The following ZBTB20 variants were observed in gnomAD, a reference collection of about 807,000 sequenced individuals.
ZBTB20 encodes zinc finger and BTB domain-containing protein 20.
ZBTB20 carries 9 observed loss-of-function variants against 56.9 expected under a neutral mutation model. The observed-to-expected ratio is 0.16, with a 90% CI of 0.10 to 0.28. The LOEUF is 0.28. Among genes scored for constraint, ZBTB20 ranks in the 10% least tolerant of loss-of-function variants. The pLI is 1.00. For missense variants in ZBTB20, 655 were observed against 1,003.0 expected (o/e 0.65, Z 4.69); for synonymous variants, 417 against 420.7 (o/e 0.99, Z 0.11).
At chr3:114,487,312 C>T (rs2042250357) in intron 7 of ZBTB20, among the ~76,000 whole-genome samples, 1 of 152,152 alleles carries the variant, frequency 6.6e-6, no homozygotes, top group Non-Finnish European at 1.5e-5. Context: ...TATGTGCACA[C>T]CTCAAGAGGT....
chr3:114,366,551 CTCAG>C (rs1207576871), intron 10 of ZBTB20: 1 of 152,190 alleles, frequency 6.6e-6, no homozygotes, highest in African/African-American at 2.4e-5. Flanking sequence ...GAAATCATGA[CTCAG>C]TAAGTTATTA....
intron 4 of ZBTB20, among the ~76,000 whole-genome samples, chr3:114,825,135 T>C (rs1425088686): frequency 6.6e-6 from 1 of 151,962 alleles, no homozygotes; most frequent in Non-Finnish European, 1.5e-5. Flanking sequence ...TGCTGGTTGC[T>C]GATCATCATA....
intron 4 of ZBTB20, among the ~76,000 whole-genome samples, chr3:114,856,980 A>G (rs2075282751): frequency 6.6e-6 from 1 of 152,178 alleles, no homozygotes; most frequent in South Asian, 2.1e-4. Context: ...TGAATTTCTT[A>G]CATATTAAAA....
chr3:114,649,558 G>A (rs186274479), intron 6 of ZBTB20, among the ~76,000 whole-genome samples: 13 of 151,972 alleles, frequency 8.6e-5, no homozygotes, highest in African/African-American at 2.6e-4. Flanking sequence ...TCCTCTTTTA[G>A]GGGGTCATAT....
chr3:114,821,094 T>C (rs1209936210), intron 4 of ZBTB20, among the ~76,000 whole-genome samples: 1 of 152,126 alleles, frequency 6.6e-6, no homozygotes, highest in Non-Finnish European at 1.5e-5. Context: ...CGAATAACAA[T>C]GGATGGAACT....
At chr3:114,904,613 T>G (rs78846232) in intron 3 of ZBTB20, among the ~76,000 whole-genome samples, 1 of 152,100 alleles carries the variant, frequency 6.6e-6, no homozygotes, top group African/African-American at 2.4e-5. Context: ...TTTTGAAAAT[T>G]GAGGTACCTG....
chr3:114,608,952 G>A (rs1312899838), intron 6 of ZBTB20, among the ~76,000 whole-genome samples: 2 of 152,138 alleles, frequency 1.3e-5, no homozygotes, highest in Non-Finnish European at 2.9e-5. Flanking sequence ...AACAGGAAAA[G>A]AAACCACCAT....
chr3:114,937,006 A>G (rs1010190580), intron 3 of ZBTB20, among the ~76,000 whole-genome samples: 3 of 152,232 alleles, frequency 2.0e-5, no homozygotes, highest in Non-Finnish European at 2.9e-5. Flanking sequence ...TGCATGCAGG[A>G]AAGTCCTGAG....
chr3:114,723,894 A>G (rs2065087272), intron 5 of ZBTB20, among the ~76,000 whole-genome samples: 1 of 150,876 alleles, frequency 6.6e-6, no homozygotes, highest in Non-Finnish European at 1.5e-5. Context: ...TCTTAGACGG[A>G]GTCTCACTCT....
At chr3:115,074,798 A>G (rs2082536034) in intron 1 of ZBTB20, among the ~76,000 whole-genome samples, 1 of 152,142 alleles carries the variant, frequency 6.6e-6, no homozygotes, top group Admixed American at 6.6e-5. Context: ...TCACACTAAT[A>G]GTGAGGAGTG....
intron 6 of ZBTB20, among the ~76,000 whole-genome samples, chr3:114,534,013 G>A (rs1325046473): frequency 1.3e-5 from 2 of 152,060 alleles, no homozygotes; most frequent in African/African-American, 2.4e-5. Context: ...AGGAAAAACC[G>A]GTACCAGCCA....
chr3:114,741,763 T>C (rs530719497), intron 5 of ZBTB20, among the ~76,000 whole-genome samples: 63 of 150,488 alleles, frequency 4.2e-4, no homozygotes, highest in Non-Finnish European at 8.1e-4. Context: ...GCACCTGTAA[T>C]CCCAGCTACT....
intron 5 of ZBTB20, among the ~76,000 whole-genome samples, chr3:114,716,463 G>GA (rs142487162): frequency 6.6e-6 from 1 of 152,168 alleles, no homozygotes; most frequent in Admixed American, 6.5e-5. Context: ...ATCAGCTGCT[G>GA]AAAAAAATCA....
intron 5 of ZBTB20, among the ~76,000 whole-genome samples, chr3:114,706,228 T>C (rs772473309): frequency 1.1e-4 from 16 of 152,204 alleles, no homozygotes; most frequent in African/African-American, 2.4e-4. Context: ...ACCACCTATT[T>C]TGCAGGAACG....
chr3:114,932,227 G>A (rs907914557), intron 3 of ZBTB20, among the ~76,000 whole-genome samples: 2 of 152,168 alleles, frequency 1.3e-5, no homozygotes, highest in African/African-American at 4.8e-5. Context: ...CCTGTAACCT[G>A]TACAGCAAGC....
At chr3:114,644,185 A>G (rs2059712353) in intron 6 of ZBTB20, among the ~76,000 whole-genome samples, 1 of 152,140 alleles carries the variant, frequency 6.6e-6, no homozygotes, top group Admixed American at 6.6e-5. Flanking sequence ...ATCATAAAAA[A>G]CAAAACGAAA....
intron 6 of ZBTB20, among the ~76,000 whole-genome samples, chr3:114,567,964 C>T (rs949067962): frequency 2.0e-5 from 3 of 152,230 alleles, no homozygotes; most frequent in African/African-American, 7.2e-5. Context: ...AACTCCACAC[C>T]AGCTTTGGGC....
At chr3:114,902,445 A>G (rs114604391) in intron 3 of ZBTB20, among the ~76,000 whole-genome samples, 2,104 of 152,316 alleles carry the variant, frequency 0.014, 27 homozygotes, top group Non-Finnish European at 0.022. Context: ...CACATGAAGA[A>G]GTAAACACAA....
At chr3:114,536,740 T>C (rs951671774) in intron 6 of ZBTB20, among the ~76,000 whole-genome samples, 1 of 152,138 alleles carries the variant, frequency 6.6e-6, no homozygotes, top group Non-Finnish European at 1.5e-5. Flanking sequence ...CTTCAAACTA[T>C]GCTAGAAGGC....
Sources: gnomAD v4.1 joint callset for allele counts (sites outside exome capture counted in the v4.1 genomes callset) on GRCh38, gnomAD v4.1.1 for gene constraint, MANE v1.5 for transcripts, NCBI Gene and HGNC (gene_info 2026-07-23, HGNC 2026-07-21) for gene names.